Variants in RFX4 observed in about 807,000 individuals in gnomAD.
The protein encoded by RFX4 is transcription factor RFX4.
Under a neutral mutation model 95.0 loss-of-function variants are expected in RFX4, and 10 were observed. That is an observed-to-expected ratio of 0.11 (90% confidence interval 0.06 to 0.18). The LOEUF is 0.18. Among genes scored for constraint, RFX4 ranks in the 10% least tolerant of loss-of-function variants. The pLI, the probability that RFX4 is intolerant of heterozygous loss-of-function variation, is 1.00. For missense variants in RFX4, 640 were observed against 922.0 expected, an observed-to-expected ratio of 0.69 and a Z score of 3.96; for synonymous variants, 321 against 340.7, an observed-to-expected ratio of 0.94 and a Z score of 0.64.
intron 3 of RFX4, among the ~76,000 whole-genome samples, chr12:106,645,454 G>A (rs2040725979): frequency 6.6e-6 from 1 of 151,936 alleles, no homozygotes; most frequent in African/African-American, 2.4e-5. Flanking sequence ...GAAGAAATGA[G>A]GCTCTTCCAA....
intron 2 of RFX4, among the ~76,000 whole-genome samples, chr12:106,625,763 A>G (rs2040285331): frequency 6.6e-6 from 1 of 152,208 alleles, no homozygotes; most frequent in East Asian, 1.9e-4. Context: ...ATTAAAATAT[A>G]TTCAGCACCA....
Position 106,718,991 on chromosome 12 carries a change from G to T in RFX4, c.1139-969G>T, listed in dbSNP as rs967743563. The stretch of plus-strand genomic sequence containing the variant: ...AAAAAAATTAGCCGGGTGTGGTGGC[G>T]GGCACCTGTAGTCCCAGCTACTCGG... On this transcript the variant is annotated intron_variant, in intron 11 of 17. Coordinates refer to ENST00000392842, the MANE Select transcript of RFX4 (RefSeq NM_213594.3). Among the ~76,000 whole-genome samples, 3 of 151,946 alleles carry T rather than the reference G, an allele frequency of 2.0e-5. No homozygotes were observed. In the East Asian group the frequency reaches 5.8e-4, roughly 29 times the overall value.
At chr12:106,685,205 GT>G (rs1178252828) in intron 5 of RFX4, among the ~76,000 whole-genome samples, 15 of 150,166 alleles carry the variant, frequency 1.0e-4, no homozygotes, top group Admixed American at 6.6e-4. Flanking sequence ...TATTTTAATG[GT>G]TTTTTTTCTT....
chr12:106,749,349 G>A (rs555083458), intron 16 of RFX4, among the ~76,000 whole-genome samples: 3 of 151,958 alleles, frequency 2.0e-5, no homozygotes, highest in South Asian at 2.1e-4. Context: ...AGTTGTGGGG[G>A]ACATGGGAGG....
chr12:106,761,373 T>G lies in RFX4; in HGVS notation c.2112T>G (p.Pro704=). 1 of 1,614,114 alleles carries G rather than the reference T, an allele frequency of 6.2e-7. No homozygotes were observed. The highest frequency in any genetic ancestry group is 1.3e-5 in the African/African-American group (1 of 75,040). Residue 704 remains proline (P), a synonymous_variant, in exon 18 of 18, where the codon CCT becomes CCG. Transcript: ENST00000392842. ...RYGNSSDMYT[P]LTTRRNSEYE... ...GAAACTCTAGTGACATGTATACACC[T>G]CTGACAACGCGCAGGAATTCTGAAT... is the stretch of plus-strand genomic sequence containing the variant.
chr12:106,744,305 C>T (rs1267480587), intron 15 of RFX4, among the ~76,000 whole-genome samples: 3 of 152,174 alleles, frequency 2.0e-5, no homozygotes, highest in African/African-American at 7.2e-5. Flanking sequence ...GTACTTTCAG[C>T]TGTGCTGGTG....
intron 1 of RFX4, among the ~76,000 whole-genome samples, chr12:106,591,541 C>T (rs1465494987): frequency 1.3e-5 from 2 of 152,182 alleles, no homozygotes; most frequent in African/African-American, 4.8e-5. Flanking sequence ...GCTGGGATTA[C>T]AGGCGTGAGC....
At chr12:106,685,039 T>C in intron 5 of RFX4, 1 of 1,491,026 alleles carries the variant, frequency 6.7e-7, no homozygotes, top group Non-Finnish European at 9.1e-7. Flanking sequence ...TCATTGTATC[T>C]CCATGGGTAG....
At chr12:106,641,685 A>C (rs954444644) in intron 3 of RFX4, among the ~76,000 whole-genome samples, 2 of 152,340 alleles carry the variant, frequency 1.3e-5, no homozygotes, top group East Asian at 3.9e-4. Flanking sequence ...AGCCAAACCA[A>C]ATCTGAGAAT....
intron 7 of RFX4, 139 bp from the exon 8 acceptor site, chr12:106,696,144 C>A: frequency 1.0e-6 from 1 of 954,764 alleles, no homozygotes; most frequent in South Asian, 1.6e-5. Flanking sequence ...TACAACATGG[C>A]AGGCTGGGGG....
In RFX4 at chr12:106,732,981, T is replaced by C; in HGVS notation, c.1529T>C (p.Val510Ala). The C allele has an allele frequency of 6.2e-7, 1 of 1,614,186 alleles. No homozygotes were observed. The highest frequency in any genetic ancestry group is 8.5e-7 in the Non-Finnish European group (1 of 1,180,028). The change falls in exon 15 of 18, where the codon GTG (valine) becomes GCG (alanine). Residue 510 changes from valine (V) to alanine (A), a missense_variant. Physicochemically the swap from Val to Ala is moderately conservative, Grantham distance 64. Around this residue, in one of 7 missense-constraint regions of RFX4, gnomAD observed 300 missense variants for 346.8 expected, o/e 0.87. Coordinates refer to ENST00000392842, the MANE Select transcript of RFX4 (RefSeq NM_213594.3). ...GCTGCCGCACCAACCCCTTCACCAGTGCCATCGTTTTCTCCAGCAAAATCT... is the reference window on the plus strand; with the variant it reads ...GCTGCCGCACCAACCCCTTCACCAGCGCCATCGTTTTCTCCAGCAAAATCT... ...TEAAAPTPSP[V>A]PSFSPAKSAT...
intron 4 of RFX4, among the ~76,000 whole-genome samples, chr12:106,665,554 A>AT (rs1469980807): frequency 1.3e-5 from 2 of 151,778 alleles, no homozygotes; most frequent in Non-Finnish European, 3.0e-5. Flanking sequence ...TGCCCTTGTT[A>AT]TTTGTTACGA....
At chr12:106,604,589 A>G (rs2039785603) in intron 1 of RFX4, among the ~76,000 whole-genome samples, 2 of 152,122 alleles carry the variant, frequency 1.3e-5, no homozygotes, top group Admixed American at 6.5e-5. Flanking sequence ...AGATATGTGG[A>G]TGTATCTACT....
intron 4 of RFX4, chr12:106,680,856 T>C (rs911470036): frequency 4.6e-5 from 7 of 152,228 alleles, no homozygotes; most frequent in African/African-American, 1.7e-4. Context: ...ACAATAACTC[T>C]AGAGGTTATT....
chr12:106,674,357 G>A (rs1404174092), intron 4 of RFX4, among the ~76,000 whole-genome samples: 2 of 146,748 alleles, frequency 1.4e-5, no homozygotes, highest in Non-Finnish European at 3.0e-5. Flanking sequence ...CCAAGACAGA[G>A]TCTTGCTCTG....
At chr12:106,612,882 TA>T (rs1199899968) in intron 2 of RFX4, among the ~76,000 whole-genome samples, 1 of 152,098 alleles carries the variant, frequency 6.6e-6, no homozygotes, top group Non-Finnish European at 1.5e-5. Context: ...GAGATAACTT[TA>T]CTTCCTTTTT....
At chr12:106,709,218 C>T (rs149082543) in intron 8 of RFX4, 112 bp from the exon 9 acceptor site, 2 of 791,324 alleles carry the variant, frequency 2.5e-6, no homozygotes, top group African/African-American at 1.8e-5. Flanking sequence ...TTACAAATGG[C>T]ACCTATTGGT....
chr12:106,601,366 G>C, intron 1 of RFX4: 1 of 1,567,238 alleles, frequency 6.4e-7, no homozygotes, highest in Non-Finnish European at 8.7e-7. Context: ...AGGGCCCAGG[G>C]ACAGGAGACT....
chr12:106,671,184 A>G (rs1366522438), intron 4 of RFX4, among the ~76,000 whole-genome samples: 2 of 152,208 alleles, frequency 1.3e-5, no homozygotes, highest in African/African-American at 2.4e-5. Flanking sequence ...GTGGAAGGAC[A>G]TCTACTGATT....
Sources: gnomAD v4.1 joint callset for allele counts (sites outside exome capture counted in the v4.1 genomes callset) on GRCh38, gnomAD v4.1.1 for gene constraint, gnomAD v4.1.1 regional missense constraint, MANE v1.5 for transcripts, NCBI Gene and HGNC (gene_info 2026-07-23, HGNC 2026-07-21) for gene names.